The following PLEKHG1 variants were observed in gnomAD, a reference collection of about 807,000 sequenced individuals.
PLEKHG1 encodes pleckstrin homology domain-containing family G member 1.
In PLEKHG1, 44 loss-of-function variants were observed where a neutral mutation model predicts 100.8. The ratio of observed to expected loss-of-function variants is 0.44; its 90% confidence interval spans 0.34 to 0.56. PLEKHG1 has a LOEUF of 0.56. Ranked by LOEUF, PLEKHG1 falls within the 20% of genes least tolerant of loss-of-function variation. The pLI, the probability that PLEKHG1 is intolerant of heterozygous loss-of-function variation, is 0.01. For missense variants in PLEKHG1, 1,545 were observed against 1,720.9 expected (o/e 0.90, Z 1.81); for synonymous variants, 640 against 662.5 (o/e 0.97, Z 0.52).
chr6:150,614,250 G>T (rs1462733588), intron 1 of PLEKHG1, among the ~76,000 whole-genome samples: 4 of 152,142 alleles, frequency 2.6e-5, no homozygotes, highest in Non-Finnish European at 5.9e-5. Context: ...CTTTGAACCT[G>T]ACTCTATTGC....
At chr6:150,771,540 C>CTT (rs920431082) in intron 3 of PLEKHG1, among the ~76,000 whole-genome samples, 1 of 151,674 alleles carries the variant, frequency 6.6e-6, no homozygotes, top group African/African-American at 2.4e-5. Flanking sequence ...CATCTCTGTT[C>CTT]TTTTCTTTTT....
chr6:150,708,454 A>G (rs1298961493), intron 3 of PLEKHG1, among the ~76,000 whole-genome samples: 1 of 152,102 alleles, frequency 6.6e-6, no homozygotes, highest in Non-Finnish European at 1.5e-5. Flanking sequence ...CTAGTTTTAT[A>G]TATTGTTAGA....
intron 3 of PLEKHG1, among the ~76,000 whole-genome samples, chr6:150,774,990 A>G (rs927250795): frequency 2.0e-5 from 3 of 151,976 alleles, no homozygotes; most frequent in Admixed American, 6.5e-5. Context: ...TTGCTGTTTC[A>G]CAAAATCTTC....
At chr6:150,670,154 G>A (rs1009158269) in intron 3 of PLEKHG1, among the ~76,000 whole-genome samples, 5 of 152,078 alleles carry the variant, frequency 3.3e-5, no homozygotes, top group Non-Finnish European at 7.4e-5. Flanking sequence ...TGATTATACA[G>A]TATTTTCACA....
At chr6:150,661,130 T>G (rs1272276017) in intron 3 of PLEKHG1, among the ~76,000 whole-genome samples, 6 of 152,182 alleles carry the variant, frequency 3.9e-5, no homozygotes, top group Admixed American at 2.0e-4. Context: ...TTGAATGTGT[T>G]GCTTTGGGCC....
At chr6:150,695,996 C>T (rs1780529089) in intron 3 of PLEKHG1, among the ~76,000 whole-genome samples, 1 of 152,154 alleles carries the variant, frequency 6.6e-6, no homozygotes, top group Non-Finnish European at 1.5e-5. Flanking sequence ...TAATTTTTTA[C>T]TTTCTTGGCC....
chr6:150,734,133 A>G lies in PLEKHG1; in HGVS notation c.411+41A>G, dbSNP rs371850024. 9 of 1,561,216 alleles carry G rather than the reference A, an allele frequency of 5.8e-6. No homozygotes were observed. In the African/African-American group the frequency reaches 1.1e-4, roughly 19 times the overall value. On this transcript the variant is annotated intron_variant, in intron 2 of 15. Coordinates refer to ENST00000358517, the Ensembl canonical transcript of PLEKHG1. ...CTTTTAATGTTTGCCATGCAGGAGAAATATGCTTGCAAAAGAAATGACAAA... is the reference window on the plus strand; with the variant it reads ...CTTTTAATGTTTGCCATGCAGGAGAGATATGCTTGCAAAAGAAATGACAAA...
intron 3 of PLEKHG1, among the ~76,000 whole-genome samples, chr6:150,652,846 C>G (rs752860356): frequency 6.6e-6 from 1 of 152,040 alleles, no homozygotes; most frequent in Non-Finnish European, 1.5e-5. Context: ...TAGAGCCTTG[C>G]CTTTAACTCA....
intron 4 of PLEKHG1, among the ~76,000 whole-genome samples, chr6:150,788,890 TGCACACACAC>T (rs1562519946): frequency 6.6e-6 from 1 of 151,998 alleles, no homozygotes. Flanking sequence ...CACACACACA[TGCACACACAC>T]AAGCATGCAC....
intron 3 of PLEKHG1, among the ~76,000 whole-genome samples, chr6:150,785,836 A>G (rs532712061): frequency 6.6e-6 from 1 of 152,230 alleles, no homozygotes; most frequent in South Asian, 2.1e-4. Flanking sequence ...AGATTCTCAT[A>G]GGAGCACACA....
At chr6:150,813,526 G>T (rs1787671683) in intron 10 of PLEKHG1, among the ~76,000 whole-genome samples, 1 of 152,050 alleles carries the variant, frequency 6.6e-6, no homozygotes, top group Non-Finnish European at 1.5e-5. Flanking sequence ...CCCAGGGCGG[G>T]GGTGGGGAGG....
intron 2 of PLEKHG1, among the ~76,000 whole-genome samples, chr6:150,644,334 G>GTTT (rs57840463): frequency 3.6e-4 from 42 of 117,596 alleles, no homozygotes; most frequent in East Asian, 7.9e-4. Context: ...TTCTTTTCGT[G>GTTT]TTTTTTTTTT....
intron 2 of PLEKHG1, among the ~76,000 whole-genome samples, chr6:150,741,638 T>G (rs1469395576): frequency 6.6e-6 from 1 of 151,972 alleles, no homozygotes. Flanking sequence ...CATGAGAATA[T>G]TGAATGTACA....
At position 150,644,334 on chromosome 6, in the gene PLEKHG1, G is replaced by GTTTTTTTTTTTTTTTT. The variant is rs57840463; in HGVS notation, c.-158+6212_-158+6227dup. ...AAGAGAGTGGTTTTTTTCTTTTCGT[G>GTTTTTTTTTTTTTTTT]TTTTTTTTTTTTTTTTTTGTTACAG... On this transcript the variant is annotated intron_variant, in intron 2 of 3. Transcript: ENST00000367326. Among the ~76,000 whole-genome samples, 812 of 117,536 alleles carry GTTTTTTTTTTTTTTTT rather than the reference G, an allele frequency of 6.9e-3. 29 individuals are homozygous for GTTTTTTTTTTTTTTTT. The highest frequency in any genetic ancestry group is 9.2e-3 in the African/African-American group (262 of 28,600). The allele number at this position is 117,536 out of a possible 152,430, so 77.1% of individuals were successfully genotyped here. A position where few individuals can be genotyped will look rare whatever the true frequency, so the allele number is the denominator to read the frequency against.
intron 2 of PLEKHG1, among the ~76,000 whole-genome samples, chr6:150,755,899 T>TA (rs1179172585): frequency 6.6e-6 from 1 of 152,186 alleles, no homozygotes; most frequent in Non-Finnish European, 1.5e-5. Context: ...ATTTTTAATT[T>TA]AAAAAAATTT....
upstream of PLEKHG1, among the ~76,000 whole-genome samples, chr6:150,720,791 C>G (rs115793661): frequency 9.3e-3 from 1,416 of 152,256 alleles, 15 homozygotes; most frequent in East Asian, 0.031. Context: ...AGAACTGTGG[C>G]CAGAGCCAGG....
At chr6:150,693,201 T>C (rs564344047) in intron 3 of PLEKHG1, among the ~76,000 whole-genome samples, 80 of 152,116 alleles carry the variant, frequency 5.3e-4, no homozygotes, top group Non-Finnish European at 1.0e-3. Flanking sequence ...GACAGGAGAA[T>C]CACTTGAACC....
At chr6:150,779,962 CA>C (rs199529633) in intron 3 of PLEKHG1, among the ~76,000 whole-genome samples, 6 of 141,174 alleles carry the variant, frequency 4.3e-5, no homozygotes, top group Admixed American at 1.4e-4. Context: ...GACTCCGTCT[CA>C]AAAAAAAAAG....
chr6:150,732,378 G>T (rs1363425907), intron 1 of PLEKHG1, among the ~76,000 whole-genome samples: 2 of 152,152 alleles, frequency 1.3e-5, no homozygotes, highest in Non-Finnish European at 2.9e-5. Context: ...TGGAATGCCA[G>T]TTTCTAAGAA....
Sources: allele counts gnomAD v4.1 joint callset (sites outside exome capture counted in the v4.1 genomes callset), GRCh38; gene constraint gnomAD v4.1.1; transcripts MANE v1.5; gene names NCBI Gene and HGNC (gene_info 2026-07-23, HGNC 2026-07-21).